EFCAB5: variants seen among roughly 807,000 people sequenced by gnomAD.
EFCAB5 encodes EF-hand calcium binding domain 5.
In EFCAB5, 131 loss-of-function variants were observed where a neutral mutation model predicts 167.9. The ratio of observed to expected loss-of-function variants is 0.78; its 90% CI spans 0.68 to 0.90. The LOEUF is 0.90. Ranked by LOEUF, EFCAB5 falls within the 40% of genes least tolerant of loss-of-function variation. EFCAB5 has a pLI of 0.00. For synonymous variants in EFCAB5, 574 were observed against 602.8 expected, an observed-to-expected ratio of 0.95 and a Z score of 0.70; for missense variants, 1,663 against 1,745.2, an observed-to-expected ratio of 0.95 and a Z score of 0.84.
In EFCAB5 at chr17:29,969,052, T is replaced by C. The variant is rs1296788477; in HGVS notation, c.452T>C (p.Leu151Pro). ...KELEKKAEKK[L>P]PRDNLAKEWF... ...CTAGAAAAAAAGGCTGAAAAAAAAC[T>C]CCCTAGGGATAATTTGGCCAAAGAG... Residue 151 changes from leucine (L) to proline (P), a missense_variant, in exon 4 of 23, where the codon CTC becomes CCC. By Grantham distance (98) the Leu-to-Pro change is moderately conservative (BLOSUM62 -3). Coordinates refer to ENST00000394835, the MANE Select transcript of EFCAB5 (RefSeq NM_198529.4). 2 of 1,601,714 alleles carry C rather than the reference T, an allele frequency of 1.2e-6. No homozygotes were observed. The highest frequency in any genetic ancestry group is 1.7e-5 in the Admixed American group (1 of 57,546).
intron 14 of EFCAB5, among the ~76,000 whole-genome samples, chr17:30,069,901 A>C (rs2070686983): frequency 6.6e-6 from 1 of 152,230 alleles, no homozygotes; most frequent in African/African-American, 2.4e-5. Context: ...AGCTATCATA[A>C]GGCTAGACAA....
chr17:30,044,989 T>G (rs1386583189), intron 8 of EFCAB5, among the ~76,000 whole-genome samples: 1 of 152,184 alleles, frequency 6.6e-6, no homozygotes, highest in African/African-American at 2.4e-5. Flanking sequence ...AATGAACCAC[T>G]GATACAATAC....
intron 22 of EFCAB5, among the ~76,000 whole-genome samples, chr17:30,097,808 T>G (rs1246801188): frequency 1.3e-5 from 2 of 152,244 alleles, no homozygotes; most frequent in Non-Finnish European, 2.9e-5. Flanking sequence ...TTATTTGTAC[T>G]TCTTGATAAT....
intron 6 of EFCAB5, 30 bp downstream of exon 6, chr17:29,996,390 A>G (rs747964998): frequency 2.2e-5 from 33 of 1,512,096 alleles, no homozygotes; most frequent in Non-Finnish European, 2.9e-5. Context: ...TGATATTTTT[A>G]TTTTTATTTC....
intron 7 of EFCAB5, among the ~76,000 whole-genome samples, chr17:30,024,875 C>T (rs1229456286): frequency 5.9e-5 from 9 of 151,338 alleles, no homozygotes; most frequent in Admixed American, 2.6e-4. Flanking sequence ...TCAGAAATAA[C>T]GCCGCATATC....
At chr17:30,096,407 G>A (rs2151853856) in intron 22 of EFCAB5, among the ~76,000 whole-genome samples, 1 of 152,048 alleles carries the variant, frequency 6.6e-6, no homozygotes, top group Non-Finnish European at 1.5e-5. Context: ...GTGGAGCATG[G>A]TGGCATGCAC....
chr17:30,071,120 G>A (rs535182455), intron 14 of EFCAB5, among the ~76,000 whole-genome samples: 3 of 150,838 alleles, frequency 2.0e-5, no homozygotes, highest in African/African-American at 7.3e-5. Context: ...GGCAACAAAA[G>A]CAAAATTAGA....
rs9901955 is a variant in EFCAB5, at chr17:30,004,932, G to A, written c.1044+4956G>A. ...TTACAGGTGTGAGCCACTGTGCCTG[G>A]CCTCTGTGGGCACCTTGATTTGGAC... is the stretch of plus-strand genomic sequence containing the variant. On this transcript the variant is annotated intron_variant, in intron 7 of 22. Transcript: ENST00000394835. Among the ~76,000 whole-genome samples, 501 of 150,022 alleles carry A rather than the reference G, an allele frequency of 3.3e-3. 2 individuals carry two copies. The highest frequency in any genetic ancestry group is 0.012 in the African/African-American group (484 of 40,720).
intron 4 of EFCAB5, among the ~76,000 whole-genome samples, chr17:29,974,782 A>G (rs961253858): frequency 6.6e-6 from 1 of 152,180 alleles, no homozygotes; most frequent in African/African-American, 2.4e-5. Context: ...GTCATAGCAT[A>G]TATGTAAATG....
chr17:30,057,652 T>C, intron 12 of EFCAB5, 24 bp from the exon 13 acceptor site: 1 of 1,596,962 alleles, frequency 6.3e-7, no homozygotes, highest in Non-Finnish European at 8.6e-7. Context: ...ACTTTACTGC[T>C]TGGTAATGTT....
chr17:29,970,095 G>A (rs2067917806), intron 4 of EFCAB5, among the ~76,000 whole-genome samples: 1 of 152,008 alleles, frequency 6.6e-6, no homozygotes, highest in African/African-American at 2.4e-5. Flanking sequence ...TTTAAATACT[G>A]ACTCATTTGG....
intron 14 of EFCAB5, among the ~76,000 whole-genome samples, chr17:30,066,131 C>T (rs1033290618): frequency 6.6e-6 from 1 of 152,110 alleles, no homozygotes; most frequent in Non-Finnish European, 1.5e-5. Flanking sequence ...ACATTTTATC[C>T]AACAGCTAGC....
chr17:30,053,162 T>C (rs2070147940), intron 9 of EFCAB5, 93 bp from the exon 10 acceptor site: 1 of 1,405,678 alleles, frequency 7.1e-7, no homozygotes, highest in East Asian at 2.3e-5. Flanking sequence ...TTACAATTTC[T>C]GTGCTCAATG....
intron 14 of EFCAB5, chr17:30,068,790 C>T (rs1464671825): frequency 1.5e-6 from 2 of 1,354,812 alleles, no homozygotes; most frequent in Non-Finnish European, 2.1e-6. Flanking sequence ...GCCGGGCCCG[C>T]GAAATGATTT....
At chr17:29,930,210 C>G (rs8071113) in intron 1 of EFCAB5, 549,454 of 552,566 alleles carry the variant, frequency 0.99, 273,181 homozygotes, top group East Asian at 1. Flanking sequence ...CGGGCGGTTC[C>G]GCAGCTGCGG....
intron 4 of EFCAB5, among the ~76,000 whole-genome samples, chr17:29,970,237 A>T (rs1044424093): frequency 6.6e-6 from 1 of 152,136 alleles, no homozygotes; most frequent in East Asian, 1.9e-4. Context: ...TAATAAATTC[A>T]TATATATTTT....
intron 4 of EFCAB5, among the ~76,000 whole-genome samples, chr17:29,973,826 C>T (rs769505434): frequency 6.7e-5 from 10 of 149,980 alleles, no homozygotes; most frequent in Non-Finnish European, 1.3e-4. Context: ...ATGACATTGA[C>T]ATAATTACTG....
chr17:29,938,115 T>A (rs2067260877), upstream of EFCAB5, among the ~76,000 whole-genome samples: 3 of 152,158 alleles, frequency 2.0e-5, no homozygotes, highest in South Asian at 6.2e-4. Flanking sequence ...TTGGCCCTCA[T>A]ACAGGCAGAC....
At position 30,053,791 on chromosome 17, in the gene EFCAB5, A is replaced by G. The variant is rs752182374; in HGVS notation, c.1837A>G (p.Ile613Val). ...AGAACAAGGGTCACGCAGAGAGTCT[A>G]TTGCAGAACAAGATCGACACAAAGG... is the stretch of plus-strand genomic sequence containing the variant. ...VAEQGSRRES[I>V]AEQDRHKGSV... Residue 613 changes from isoleucine to valine, a missense_variant, in exon 10 of 23, where the codon ATT becomes GTT. Coordinates refer to ENST00000394835, the MANE Select transcript of EFCAB5 (RefSeq NM_198529.4). The G allele has an allele frequency of 3.1e-6, 5 of 1,613,950 alleles. No homozygotes were observed. The highest frequency in any genetic ancestry group is 2.2e-5 in the East Asian group (1 of 44,874).
Sources: gnomAD v4.1 joint callset for allele counts (sites outside exome capture counted in the v4.1 genomes callset) on GRCh38, gnomAD v4.1.1 for gene constraint, MANE v1.5 for transcripts, NCBI Gene and HGNC (gene_info 2026-07-23, HGNC 2026-07-21) for gene names.